PACRGL: variants seen among roughly 807,000 people sequenced by gnomAD.
PACRGL encodes the protein PACRG-like protein.
In PACRGL, 38 loss-of-function variants were observed where a neutral mutation model predicts 34.5. The ratio of observed to expected loss-of-function variants is 1.10; its 90% CI spans 0.85 to 1.44. The LOEUF (loss-of-function observed/expected upper bound fraction) is 1.44, where lower values mean the gene tolerates loss of function less well. Among genes scored for constraint, PACRGL ranks in the 40% most tolerant of loss-of-function variants. The pLI is 0.00. For missense variants in PACRGL, 305 were observed against 281.4 expected, an observed-to-expected ratio of 1.08 and a Z score of -0.60; for synonymous variants, 128 against 100.1, an observed-to-expected ratio of 1.28 and a Z score of -1.66.
chr4:20,762,993 T>C, the PACRGL span, among the ~76,000 whole-genome samples: 2 of 152,070 alleles, frequency 1.3e-5, no homozygotes, highest in African/African-American at 4.8e-5. Context: ...AGGAGCCCCT[T>C]ATAAAACCAT....
intron 1 of PACRGL, chr4:20,702,635 T>C (rs1444918112): frequency 2.6e-5 from 1 of 38,828 alleles, no homozygotes; most frequent in Non-Finnish European, 5.4e-5. Context: ...AACTGATGCA[T>C]TTTTTTTTTC....
At chr4:20,757,345 T>G (rs1754567611), downstream of PACRGL, among the ~76,000 whole-genome samples, 1 of 152,200 alleles carries the variant, frequency 6.6e-6, no homozygotes, top group Non-Finnish European at 1.5e-5. Context: ...CCTGCAGTAT[T>G]GCTGACCTCA....
intron 7 of PACRGL, among the ~76,000 whole-genome samples, chr4:20,713,752 G>C (rs1321465511): frequency 6.6e-6 from 1 of 152,074 alleles, no homozygotes; most frequent in Admixed American, 6.6e-5. Flanking sequence ...ATTTCATTAT[G>C]TACCCAGTAG....
At chr4:20,727,238 G>A (rs1275954771) in intron 8 of PACRGL, 47 bp from the exon 9 acceptor site, 2 of 1,491,548 alleles carry the variant, frequency 1.3e-6, no homozygotes, top group Non-Finnish European at 1.9e-6. Flanking sequence ...ACCTATTAGG[G>A]GAACTCTGCA....
upstream of PACRGL, among the ~76,000 whole-genome samples, chr4:20,697,869 C>T (rs536286097): frequency 2.3e-3 from 356 of 152,224 alleles, 1 homozygote; most frequent in African/African-American, 8.0e-3. Context: ...ATTCCATTCA[C>T]GAGTGTTCCA....
At chr4:20,710,228 C>G (rs1040475574) in intron 5 of PACRGL, among the ~76,000 whole-genome samples, 1 of 152,088 alleles carries the variant, frequency 6.6e-6, no homozygotes, top group Non-Finnish European at 1.5e-5. Context: ...TACTCCAGCT[C>G]TTTGCTTGTA....
At chr4:20,727,148 C>T in intron 8 of PACRGL, 137 bp from the exon 9 acceptor site, 1 of 688,698 alleles carries the variant, frequency 1.5e-6, no homozygotes, top group East Asian at 2.6e-5. Context: ...GCAAAAAGTC[C>T]TTCTTATTTC....
downstream of PACRGL, among the ~76,000 whole-genome samples, chr4:20,756,039 C>T (rs949470202): frequency 7.9e-5 from 12 of 152,048 alleles, no homozygotes; most frequent in African/African-American, 1.4e-4. Context: ...TGCATTTTAA[C>T]GGGATCACTC....
intron 7 of PACRGL, among the ~76,000 whole-genome samples, chr4:20,720,591 G>A (rs918456871): frequency 6.6e-6 from 1 of 152,158 alleles, no homozygotes; most frequent in Non-Finnish European, 1.5e-5. Context: ...ATGAAGCTTA[G>A]TTTGGCTGGA....
At position 20,729,053 on chromosome 4, in the gene PACRGL, TTG is replaced by T. The variant is rs1746973150; in HGVS notation, c.*1713_*1714del. The T allele has an allele frequency of 2.9e-5, 2 of 69,704 alleles. No individual in the cohort carries two copies. The highest frequency in any genetic ancestry group is 1.2e-4 in the Admixed American group (1 of 8,584). The allele number at this position is 69,704 out of a possible 1,614,324, so 4.3% of individuals were successfully genotyped here. A position where few individuals can be genotyped will look rare whatever the true frequency, so the allele number is the denominator to read the frequency against. Reference sequence around the variant, plus strand: ...ACCACTGGTGCTTTCAAAGTGAATTTTGCTTGCTAATTTTGCTTGCTGTTTGT... The same window carrying T: ...ACCACTGGTGCTTTCAAAGTGAATTTCTTGCTAATTTTGCTTGCTGTTTGT... On this transcript the variant is annotated 3_prime_UTR_variant, in exon 9 of 9. Coordinates refer to ENST00000503585, the MANE Select transcript of PACRGL (RefSeq NM_001258345.3).
chr4:20,720,590 A>C (rs972805828), intron 7 of PACRGL, among the ~76,000 whole-genome samples: 15 of 152,192 alleles, frequency 9.9e-5, no homozygotes, highest in Non-Finnish European at 2.2e-4. Context: ...TATGAAGCTT[A>C]GTTTGGCTGG....
At chr4:20,706,907 C>T (rs1005526934) in intron 3 of PACRGL, among the ~76,000 whole-genome samples, 3 of 152,048 alleles carry the variant, frequency 2.0e-5, no homozygotes, top group Non-Finnish European at 2.9e-5. Flanking sequence ...TTAATTTGAA[C>T]GAATTTTCTC....
chr4:20,713,784 A>G (rs1331138530), intron 7 of PACRGL, among the ~76,000 whole-genome samples: 1 of 152,194 alleles, frequency 6.6e-6, no homozygotes, highest in African/African-American at 2.4e-5. Context: ...CAGGTTGTTC[A>G]GTTTCCATGT....
chr4:20,703,510 G>T (rs1476382674), intron 1 of PACRGL, among the ~76,000 whole-genome samples: 2 of 99,270 alleles, frequency 2.0e-5, no homozygotes, highest in Non-Finnish European at 4.6e-5. Flanking sequence ...GTGTGTGTGT[G>T]TTTGTGTGTG....
At chr4:20,746,470 A>G (rs1289012702) in intron 8 of PACRGL, among the ~76,000 whole-genome samples, 1 of 152,008 alleles carries the variant, frequency 6.6e-6, no homozygotes, top group Non-Finnish European at 1.5e-5. Context: ...GTGTATACCT[A>G]TGTGACAAAA....
chr4:20,715,322 T>C (rs1739362719), intron 7 of PACRGL, among the ~76,000 whole-genome samples: 1 of 151,970 alleles, frequency 6.6e-6, no homozygotes, highest in African/African-American at 2.4e-5. Context: ...TACCTAATGC[T>C]AAATGACGAG....
the PACRGL span, among the ~76,000 whole-genome samples, chr4:20,765,599 G>A: frequency 6.6e-6 from 1 of 152,168 alleles, no homozygotes; most frequent in Non-Finnish European, 1.5e-5. Context: ...AATGGGCTGA[G>A]GAAAATGTTC....
At chr4:20,765,355 ATTTGTACCC>A in the PACRGL span, among the ~76,000 whole-genome samples, 1 of 152,118 alleles carries the variant, frequency 6.6e-6, no homozygotes, top group African/African-American at 2.4e-5. Context: ...TACACGGTGT[ATTTGTACCC>A]AGAGGCACCC....
downstream of PACRGL, chr4:20,734,489 G>T: frequency 2.1e-6 from 1 of 467,522 alleles, no homozygotes; most frequent in Non-Finnish European, 3.8e-6. Flanking sequence ...GTTTTTAATT[G>T]TACATCTTTC....
Sources: gnomAD v4.1 joint callset for allele counts (sites outside exome capture counted in the v4.1 genomes callset) on GRCh38, gnomAD v4.1.1 for gene constraint, MANE v1.5 for transcripts, NCBI Gene and HGNC (gene_info 2026-07-23, HGNC 2026-07-21) for gene names.